ALPK1: variants seen among roughly 807,000 people sequenced by gnomAD.
ALPK1 encodes alpha kinase 1.
In ALPK1, 110 loss-of-function variants were observed where a neutral mutation model predicts 120.6. That is an observed-to-expected ratio of 0.91 (90% confidence interval 0.78 to 1.07). The LOEUF (loss-of-function observed/expected upper bound fraction) is 1.07. Among genes scored for constraint, ALPK1 ranks in the 50% least tolerant of loss-of-function variants. ALPK1 has a pLI of 0.00. For synonymous variants in ALPK1, 582 were observed against 560.3 expected (o/e 1.04, Z -0.55); for missense variants, 1,498 against 1,483.9 (o/e 1.01, Z -0.16).
intron 2 of ALPK1, chr4:112,357,737 C>T: frequency 1.4e-6 from 2 of 1,381,092 alleles, no homozygotes; most frequent in East Asian, 2.3e-5. Context: ...TGCTTGTCCT[C>T]TTTGGGGAAG....
chr4:112,411,158 G>A (rs1432236914), intron 4 of ALPK1: 1 of 154,954 alleles, frequency 6.5e-6, no homozygotes, highest in East Asian at 1.9e-4. Flanking sequence ...AATTGAAGCA[G>A]GAGGAGAAGA....
intron 11 of ALPK1, among the ~76,000 whole-genome samples, chr4:112,434,939 T>C (rs1734723783): frequency 6.6e-6 from 1 of 152,238 alleles, no homozygotes; most frequent in African/African-American, 2.4e-5. Context: ...CTATTCCTCA[T>C]TGTAATTTAT....
At chr4:112,405,528 G>C (rs1051662869) in intron 4 of ALPK1, among the ~76,000 whole-genome samples, 7 of 152,056 alleles carry the variant, frequency 4.6e-5, no homozygotes, top group Non-Finnish European at 1.0e-4. Flanking sequence ...TAAAACCACT[G>C]TTTGGACTCA....
At chr4:112,344,269 C>CAG (rs71595591) in intron 2 of ALPK1, among the ~76,000 whole-genome samples, 46,077 of 152,026 alleles carry the variant, frequency 0.3, 7,278 homozygotes, top group Middle Eastern at 0.37. Context: ...TTGGAGAAGA[C>CAG]AGTGTGACAG....
Position 112,441,051 on chromosome 4 carries a change from T to C in ALPK1, c.3673T>C (p.Cys1225Arg), listed in dbSNP as rs1294097659. 1.2e-6 allele frequency: 2 copies of C among 1,613,848 alleles called. No homozygotes were observed. Among genetic ancestry groups the C allele is most frequent in the African/African-American group, 1.3e-5 (1 of 74,908 alleles). Residue 1225 changes from cysteine (C) to arginine (R), a missense_variant, in exon 15 of 16, where the codon TGT becomes CGT. Cys to Arg is a radical substitution (Grantham distance 180, BLOSUM62 -3). Coordinates refer to ENST00000650871, the MANE Select transcript of ALPK1 (RefSeq NM_025144.4). ...FYFFNNQHVE[C>R]NEICHRLSLT... Reference sequence around the variant, plus strand: ...CTTCTTTAATAACCAGCATGTGGAATGTAATGAAATCTGCCATCGTCTTTC... The same window carrying C: ...CTTCTTTAATAACCAGCATGTGGAACGTAATGAAATCTGCCATCGTCTTTC...
intron 1 of ALPK1, among the ~76,000 whole-genome samples, chr4:112,303,639 T>C (rs1727887379): frequency 6.6e-6 from 1 of 152,136 alleles, no homozygotes; most frequent in Non-Finnish European, 1.5e-5. Context: ...GATCATGCTG[T>C]TCAGATGCCT....
intron 4 of ALPK1, chr4:112,410,926 C>A (rs1733423920): frequency 1.3e-5 from 2 of 154,630 alleles, no homozygotes; most frequent in South Asian, 2.0e-4. Context: ...ATAAATGAAG[C>A]AGAGTGTCAT....
Position 112,331,433 on chromosome 4 carries a change from T to G in ALPK1, c.-101+15581T>G, listed in dbSNP as rs138206656. ...TCCTTCAATCTTCTTCCTTTCAATT[T>G]TCTCATCATCTAACCCAACCTTTCA... On this transcript the variant is annotated intron_variant, in intron 2 of 15. Transcript: ENST00000650871. 8.7e-3 allele frequency among the ~76,000 whole-genome samples: 1,320 copies of G among 152,294 alleles called. 13 individuals carry two copies. The highest frequency in any genetic ancestry group is 0.012 in the Non-Finnish European group (821 of 68,012).
chr4:112,332,352 A>C (rs1729420484), intron 2 of ALPK1, among the ~76,000 whole-genome samples: 1 of 152,236 alleles, frequency 6.6e-6, no homozygotes, highest in African/African-American at 2.4e-5. Flanking sequence ...TCACAATTTG[A>C]AGGGGATATC....
At chr4:112,305,952 G>A (rs1034852367) in intron 1 of ALPK1, among the ~76,000 whole-genome samples, 19 of 152,018 alleles carry the variant, frequency 1.2e-4, no homozygotes, top group Admixed American at 1.2e-3. Context: ...AGAGTTTTTA[G>A]CATGAAGGGC....
intron 3 of ALPK1, among the ~76,000 whole-genome samples, chr4:112,379,333 T>C (rs1731799034): frequency 6.6e-6 from 1 of 152,228 alleles, no homozygotes; most frequent in Non-Finnish European, 1.5e-5. Flanking sequence ...TCAGGTAAGC[T>C]GCTTGGGGAA....
intron 1 of ALPK1, among the ~76,000 whole-genome samples, chr4:112,305,281 G>A (rs1295447217): frequency 9.2e-5 from 14 of 152,042 alleles, no homozygotes; most frequent in South Asian, 2.1e-4. Flanking sequence ...TTCCAATTCT[G>A]TGAAGAAAGT....
chr4:112,324,717 T>C (rs1729030285), intron 2 of ALPK1, among the ~76,000 whole-genome samples: 1 of 152,104 alleles, frequency 6.6e-6, no homozygotes. Flanking sequence ...CTTCAAATGA[T>C]CATCCTGCCT....
chr4:112,391,931 C>A (rs1163968823), intron 4 of ALPK1, among the ~76,000 whole-genome samples: 1 of 151,608 alleles, frequency 6.6e-6, no homozygotes, highest in African/African-American at 2.4e-5. Flanking sequence ...AAGCCTGTGC[C>A]TCTATAGAAC....
intron 2 of ALPK1, among the ~76,000 whole-genome samples, chr4:112,343,831 G>A (rs1442356378): frequency 6.6e-6 from 1 of 150,386 alleles, no homozygotes; most frequent in Non-Finnish European, 1.5e-5. Flanking sequence ...TTTTCCTAGG[G>A]AGCACATTCA....
intron 4 of ALPK1, among the ~76,000 whole-genome samples, chr4:112,399,148 TG>T (rs1225342484): frequency 6.6e-6 from 1 of 152,088 alleles, no homozygotes; most frequent in Non-Finnish European, 1.5e-5. Context: ...TTTAAGGCCA[TG>T]GTACAGGCTG....
chr4:112,306,194 A>G (rs1728045041), intron 1 of ALPK1, among the ~76,000 whole-genome samples: 2 of 151,920 alleles, frequency 1.3e-5, no homozygotes, highest in South Asian at 4.1e-4. Flanking sequence ...CATCAGGGAT[A>G]TTGGTCTAAA....
intron 2 of ALPK1, among the ~76,000 whole-genome samples, chr4:112,350,380 A>G (rs1730298674): frequency 6.6e-6 from 1 of 152,188 alleles, no homozygotes; most frequent in African/African-American, 2.4e-5. Flanking sequence ...ATATTACAAT[A>G]TGCTTCATGC....
At chr4:112,345,363 G>C (rs924205348) in intron 2 of ALPK1, among the ~76,000 whole-genome samples, 18 of 152,214 alleles carry the variant, frequency 1.2e-4, no homozygotes, top group African/African-American at 4.1e-4. Flanking sequence ...ACATGATGTG[G>C]ATGTGGGTGG....
Sources: allele counts gnomAD v4.1 joint callset (sites outside exome capture counted in the v4.1 genomes callset), GRCh38; gene constraint gnomAD v4.1.1; transcripts MANE v1.5; gene names NCBI Gene and HGNC (gene_info 2026-07-23, HGNC 2026-07-21).